The following RANBP2 variants were observed in gnomAD, a reference collection of about 807,000 sequenced individuals.
The protein encoded by RANBP2 is E3 SUMO-protein ligase RanBP2.
Under a neutral mutation model 303.6 loss-of-function variants are expected in RANBP2, and 57 were observed. The observed-to-expected ratio is 0.19, with a 90% CI of 0.15 to 0.23. RANBP2 has a LOEUF of 0.23. Ranked by LOEUF, RANBP2 falls within the 10% of genes least tolerant of loss-of-function variation. RANBP2 has a pLI of 1.00. For synonymous variants in RANBP2, 1,167 were observed against 1,301.5 expected, an observed-to-expected ratio of 0.90 and a Z score of 2.23; for missense variants, 3,138 against 3,780.8, an observed-to-expected ratio of 0.83 and a Z score of 4.46.
the RANBP2 span, among the ~76,000 whole-genome samples, chr2:109,102,805 A>C: frequency 6.6e-6 from 1 of 152,216 alleles, no homozygotes; most frequent in Non-Finnish European, 1.5e-5. Context: ...AGAGGTGGCA[A>C]GTAGCAGAGA....
the RANBP2 span, among the ~76,000 whole-genome samples, chr2:109,293,790 C>T: frequency 2.1e-4 from 32 of 152,328 alleles, 1 homozygote; most frequent in Admixed American, 1.0e-3. Context: ...TGTAGGTGAA[C>T]GCTGGGGTTT....
At chr2:108,898,159 C>T in the RANBP2 span, among the ~76,000 whole-genome samples, 2 of 152,190 alleles carry the variant, frequency 1.3e-5, no homozygotes, top group African/African-American at 2.4e-5. Context: ...ACTGTGTCCC[C>T]ACTCTATCCA....
the RANBP2 span, among the ~76,000 whole-genome samples, chr2:109,121,327 G>A: frequency 2.6e-5 from 4 of 151,898 alleles, no homozygotes; most frequent in South Asian, 4.2e-4. Context: ...CAGGGACCTG[G>A]GTATCTGAAA....
the RANBP2 span, among the ~76,000 whole-genome samples, chr2:109,149,020 C>T: frequency 1.3e-5 from 2 of 152,268 alleles, no homozygotes; most frequent in South Asian, 4.2e-4. Flanking sequence ...CTGCAGATCC[C>T]CCTTTCTCTT....
the RANBP2 span, among the ~76,000 whole-genome samples, chr2:108,810,711 G>C: frequency 3.9e-5 from 6 of 152,126 alleles, no homozygotes; most frequent in Admixed American, 2.0e-4. Context: ...TCAGTTTTTT[G>C]GGATAGTTTG....
the RANBP2 span, among the ~76,000 whole-genome samples, chr2:109,092,570 A>G: frequency 3.5e-4 from 53 of 152,328 alleles, no homozygotes; most frequent in African/African-American, 1.2e-3. Context: ...TTTCTTTTGT[A>G]AAGTGGCTTG....
the RANBP2 span, chr2:109,490,758 T>A: frequency 6.5e-7 from 1 of 1,536,426 alleles, no homozygotes; most frequent in African/African-American, 1.4e-5. Flanking sequence ...GTCCTCACTG[T>A]CCATCCACGG....
Position 108,763,454 on chromosome 2 carries a change from A to G in RANBP2, c.2915A>G (p.Asn972Ser). 1 of 1,614,016 alleles carries G rather than the reference A, an allele frequency of 6.2e-7. No individual in the cohort carries two copies. The highest frequency in any genetic ancestry group is 8.5e-7 in the Non-Finnish European group (1 of 1,179,964). ...FNYNVQQTST[N>S]PPLPEPGYFT... ...TACAATGTTCAACAGACAAGCACAA[A>G]TCCACCTTTGCCAGAACCAGGATAT... Residue 972 changes from asparagine (N) to serine (S), a missense_variant, in exon 20 of 29, where the codon AAT (asparagine) becomes AGT (serine). Asn to Ser is a conservative substitution (Grantham distance 46, BLOSUM62 1). Transcript: ENST00000283195.
At chr2:109,397,381 C>T in the RANBP2 span, among the ~76,000 whole-genome samples, 810 of 152,300 alleles carry the variant, frequency 5.3e-3, 11 homozygotes, top group African/African-American at 0.018. Flanking sequence ...CCTAACCCAG[C>T]TTGTAGCAAT....
At chr2:109,246,837 T>A in the RANBP2 span, among the ~76,000 whole-genome samples, 1 of 152,152 alleles carries the variant, frequency 6.6e-6, no homozygotes, top group East Asian at 1.9e-4. Flanking sequence ...GTGCTTCTGT[T>A]GTGACAGCGA....
At chr2:109,376,359 A>T in the RANBP2 span, among the ~76,000 whole-genome samples, 2 of 152,202 alleles carry the variant, frequency 1.3e-5, no homozygotes, top group African/African-American at 2.4e-5. Flanking sequence ...TTGTCAGGAA[A>T]GGAATCAGCT....
At chr2:109,653,818 A>G in the RANBP2 span, among the ~76,000 whole-genome samples, 1 of 152,134 alleles carries the variant, frequency 6.6e-6, no homozygotes, top group Admixed American at 6.6e-5. Context: ...AATCAATCAA[A>G]CAAACAAACT....
chr2:109,706,784 G>C, the RANBP2 span, among the ~76,000 whole-genome samples: 33,640 of 152,212 alleles, frequency 0.22, 3,859 homozygotes, highest in East Asian at 0.3. Context: ...GTGGCTATCA[G>C]GTTACTTCAG....
the RANBP2 span, among the ~76,000 whole-genome samples, chr2:109,664,702 G>T: frequency 2.6e-5 from 4 of 152,106 alleles, no homozygotes; most frequent in Non-Finnish European, 5.9e-5. Context: ...GGCCAAGGCA[G>T]GTGGACCACC....
chr2:109,392,562 G>T, the RANBP2 span, among the ~76,000 whole-genome samples: 1 of 152,016 alleles, frequency 6.6e-6, no homozygotes, highest in African/African-American at 2.4e-5. Context: ...CAGGCTGAGT[G>T]CAGTGGCGTG....
At chr2:109,211,092 G>A in the RANBP2 span, among the ~76,000 whole-genome samples, 6,815 of 152,192 alleles carry the variant, frequency 0.045, 495 homozygotes, top group African/African-American at 0.15. Context: ...TGGTTAATAT[G>A]CCCATTTATG....
chr2:109,525,656 G>T, the RANBP2 span, among the ~76,000 whole-genome samples: 1 of 152,214 alleles, frequency 6.6e-6, no homozygotes, highest in African/African-American at 2.4e-5. Flanking sequence ...CACCATCAGG[G>T]TAGCTCAGGA....
the RANBP2 span, among the ~76,000 whole-genome samples, chr2:109,087,293 A>T: frequency 6.6e-6 from 1 of 151,752 alleles, no homozygotes; most frequent in Non-Finnish European, 1.5e-5. Context: ...AGGGAGGTGG[A>T]CTCTCTCTTG....
the RANBP2 span, among the ~76,000 whole-genome samples, chr2:108,881,460 A>T: frequency 6.6e-6 from 1 of 152,224 alleles, no homozygotes; most frequent in Admixed American, 6.5e-5. Context: ...GTGTTTTCTT[A>T]TCATTTGTGT....
Sources: allele counts gnomAD v4.1 joint callset (sites outside exome capture counted in the v4.1 genomes callset), GRCh38; gene constraint gnomAD v4.1.1; transcripts MANE v1.5; gene names NCBI Gene and HGNC (gene_info 2026-07-23, HGNC 2026-07-21).